FBXL2: variants seen among roughly 807,000 people sequenced by gnomAD.
The protein encoded by FBXL2 is F-box and leucine rich repeat protein 2.
A neutral mutation model predicts 69.2 loss-of-function variants in FBXL2; 38 were observed. That is an observed-to-expected ratio of 0.55 (90% CI 0.42 to 0.72). The LOEUF (loss-of-function observed/expected upper bound fraction) is 0.72, where lower values mean the gene tolerates loss of function less well. FBXL2 is among the 30% of genes least tolerant of loss of function. FBXL2 has a pLI of 0.00. For missense variants in FBXL2, 354 were observed against 520.3 expected (o/e 0.68, Z 3.11); for synonymous variants, 192 against 201.3 (o/e 0.95, Z 0.39).
At chr3:33,413,927 CT>C in the FBXL2 span, among the ~76,000 whole-genome samples, 8 of 152,172 alleles carry the variant, frequency 5.3e-5, no homozygotes, top group East Asian at 1.5e-3. Context: ...TGCTAGCCAG[CT>C]CGTCTCCAGA....
At chr3:33,297,817 A>G (rs2035877084) in intron 2 of FBXL2, 92 bp downstream of exon 2, 5 of 795,452 alleles carry the variant, frequency 6.3e-6, no homozygotes, top group Non-Finnish European at 1.1e-5. Flanking sequence ...AGTCCATAGC[A>G]TAGAAAAACA....
rs1575330597 is a variant in FBXL2, at chr3:33,359,152, T to A, written c.120+131T>A. ...TATAACATAATGGTATAATTTTGCA[T>A]TTGATGATTAACTTAATATACATCA... is the stretch of plus-strand genomic sequence containing the variant. On this transcript the variant is annotated intron_variant, in intron 3 of 14. Coordinates refer to ENST00000484457, the MANE Select transcript of FBXL2 (RefSeq NM_012157.5). 1.3e-4 allele frequency: 116 copies of A among 927,164 alleles called. No individual in the cohort carries two copies. In the East Asian group the frequency reaches 3.1e-3, roughly 25 times the overall value. 57.4% of individuals were successfully genotyped at this position (927,164 alleles called of 1,614,324 possible).
At position 33,356,391 on chromosome 3, in the gene FBXL2, G is replaced by A. The variant is rs147396532; in HGVS notation, c.66-2576G>A. Reference sequence around the variant, plus strand: ...TTTTGAGATGGAGTCTCGCTCTGTCGCCAGGCTGGAGTGCAGTGGCGGATC... The same window carrying A: ...TTTTGAGATGGAGTCTCGCTCTGTCACCAGGCTGGAGTGCAGTGGCGGATC... On this transcript the variant is annotated intron_variant, in intron 2 of 14. Transcript: ENST00000484457. Among the ~76,000 whole-genome samples, 55 of 152,018 alleles carry A rather than the reference G, an allele frequency of 3.6e-4. No homozygotes were observed. In the East Asian group the frequency reaches 8.1e-3, roughly 22 times the overall value.
At chr3:33,420,117 C>G in the FBXL2 span, among the ~76,000 whole-genome samples, 3 of 152,148 alleles carry the variant, frequency 2.0e-5, no homozygotes, top group Non-Finnish European at 2.9e-5. Flanking sequence ...TGACAGCCCC[C>G]ACTTTGCTAA....
intron 12 of FBXL2, among the ~76,000 whole-genome samples, chr3:33,395,865 C>T (rs1444354055): frequency 7.0e-6 from 1 of 142,908 alleles, no homozygotes; most frequent in African/African-American, 2.7e-5. Context: ...AAAAAAAAAG[C>T]CAGAACTCAA....
intron 1 of FBXL2, among the ~76,000 whole-genome samples, chr3:33,283,880 C>T (rs550477615): frequency 3.3e-5 from 5 of 152,180 alleles, no homozygotes; most frequent in South Asian, 2.1e-4. Flanking sequence ...TATTTCTGTG[C>T]GATCAGTGGT....
chr3:33,282,430 T>C (rs1054612751), intron 1 of FBXL2, among the ~76,000 whole-genome samples: 15 of 152,218 alleles, frequency 9.9e-5, no homozygotes, highest in Non-Finnish European at 2.2e-4. Context: ...ACCAGTACCA[T>C]GCTGTTTTGG....
intron 1 of FBXL2, among the ~76,000 whole-genome samples, chr3:33,292,963 C>G (rs2035385891): frequency 6.6e-6 from 1 of 152,150 alleles, no homozygotes. Flanking sequence ...CACATATGCA[C>G]CAAACAACAG....
intron 5 of FBXL2, chr3:33,372,843 T>C (rs2042381283): frequency 3.4e-6 from 2 of 585,206 alleles, no homozygotes; most frequent in South Asian, 2.0e-5. Flanking sequence ...AGTCTAGGAC[T>C]CTGCTTCTCA....
intron 2 of FBXL2, among the ~76,000 whole-genome samples, chr3:33,324,857 C>G (rs9874366): frequency 0.15 from 23,370 of 152,026 alleles, 1,983 homozygotes; most frequent in African/African-American, 0.21. Context: ...GTGGTGGCTT[C>G]ATGGGGATAG....
chr3:33,393,566 TAAAA>T, intron 12 of FBXL2: 1 of 985,880 alleles, frequency 1.0e-6, no homozygotes, highest in Non-Finnish European at 1.4e-6. Context: ...ACCAAAAAAG[TAAAA>T]AAACATTTTA....
At chr3:33,390,624 TG>T, downstream of FBXL2, 1 of 540,156 alleles carries the variant, frequency 1.9e-6, no homozygotes. Context: ...CTGCCAGTTC[TG>T]GGGGTAGGGG....
At chr3:33,301,079 T>C (rs1350843804) in intron 2 of FBXL2, among the ~76,000 whole-genome samples, 1 of 152,164 alleles carries the variant, frequency 6.6e-6, no homozygotes, top group African/African-American at 2.4e-5. Context: ...TCTTCATCAT[T>C]AGTTAATTCC....
chr3:33,403,011 C>G (rs1418385244), intron 12 of FBXL2: 1 of 1,010,544 alleles, frequency 9.9e-7, no homozygotes. Context: ...AAATGCGAGA[C>G]AGCTGACATT....
chr3:33,352,826 C>T (rs1456465157), intron 2 of FBXL2, among the ~76,000 whole-genome samples: 6 of 151,972 alleles, frequency 3.9e-5, no homozygotes, highest in East Asian at 1.9e-4. Flanking sequence ...ATACGGGAGG[C>T]GGTGGTTGCA....
At chr3:33,291,630 T>C (rs983260009) in intron 1 of FBXL2, among the ~76,000 whole-genome samples, 1 of 152,092 alleles carries the variant, frequency 6.6e-6, no homozygotes, top group Non-Finnish European at 1.5e-5. Flanking sequence ...GAAGTTAGAC[T>C]GTGATAAGTT....
In FBXL2 at chr3:33,379,878, A is replaced by G. The variant is rs564828049; in HGVS notation, c.951+1137A>G. Among the ~76,000 whole-genome samples the G allele has an allele frequency of 2.6e-5, 4 of 152,316 alleles. No homozygotes were observed. In the East Asian group the frequency reaches 7.7e-4, roughly 29 times the overall value. On this transcript the variant is annotated intron_variant, in intron 13 of 14. Transcript: ENST00000484457. ...TGAAAACTGACTGATGTAATCAACC[A>G]TATTAACTAAAGAAGAAAAATTACA...
intron 2 of FBXL2, among the ~76,000 whole-genome samples, chr3:33,344,896 T>C (rs1324593543): frequency 2.0e-5 from 3 of 152,170 alleles, no homozygotes; most frequent in African/African-American, 4.8e-5. Flanking sequence ...ACAGGATTAC[T>C]AACACTGACA....
chr3:33,379,064 G>A (rs899946036), intron 13 of FBXL2, among the ~76,000 whole-genome samples: 11 of 151,682 alleles, frequency 7.3e-5, no homozygotes, highest in African/African-American at 2.7e-4. Flanking sequence ...GTGGAAAGCA[G>A]TGGCACAATC....
Sources: allele counts gnomAD v4.1 joint callset (sites outside exome capture counted in the v4.1 genomes callset), GRCh38; gene constraint gnomAD v4.1.1; transcripts MANE v1.5; gene names NCBI Gene and HGNC (gene_info 2026-07-23, HGNC 2026-07-21).